Variants in CCDC7 observed in about 807,000 individuals in gnomAD.
CCDC7 encodes the protein coiled-coil domain containing 7.
Under a neutral mutation model 196.9 loss-of-function variants are expected in CCDC7, and 183 were observed. That is an observed-to-expected ratio of 0.93 (90% confidence interval 0.82 to 1.05). The LOEUF (loss-of-function observed/expected upper bound fraction) is 1.05. Ranked by LOEUF, CCDC7 falls within the 50% of genes least tolerant of loss-of-function variation. The pLI, the probability that CCDC7 is intolerant of heterozygous loss-of-function variation, is 0.00. For synonymous variants in CCDC7, 525 were observed against 484.6 expected (o/e 1.08, Z -1.10); for missense variants, 1,540 against 1,482.2 (o/e 1.04, Z -0.64).
At chr10:32,719,473 T>A (rs2082084999) in intron 25 of CCDC7, among the ~76,000 whole-genome samples, 1 of 152,096 alleles carries the variant, frequency 6.6e-6, no homozygotes, top group Admixed American at 6.6e-5. Context: ...GGGCAAAGAC[T>A]TCATGACTAA....
At chr10:32,718,581 T>C (rs1043610598) in intron 25 of CCDC7, among the ~76,000 whole-genome samples, 5 of 152,180 alleles carry the variant, frequency 3.3e-5, no homozygotes, top group Admixed American at 2.6e-4. Flanking sequence ...GGAAGTCAAA[T>C]TGTCTCTGTT....
chr10:32,748,822 T>G (rs2075233458), intron 28 of CCDC7, among the ~76,000 whole-genome samples: 1 of 152,206 alleles, frequency 6.6e-6, no homozygotes, highest in African/African-American at 2.4e-5. Flanking sequence ...GTACGTGTCC[T>G]GAGAGCAGAC....
intron 9 of CCDC7, among the ~76,000 whole-genome samples, chr10:32,506,852 G>A (rs569344028): frequency 7.9e-5 from 12 of 152,038 alleles, no homozygotes; most frequent in African/African-American, 2.7e-4. Flanking sequence ...ACCGTAGAAA[G>A]AAAGGGGAGA....
intron 24 of CCDC7, among the ~76,000 whole-genome samples, chr10:32,699,121 G>A (rs571255789): frequency 1.6e-4 from 24 of 152,042 alleles, no homozygotes; most frequent in Middle Eastern, 6.8e-3. Context: ...TGTTACATAT[G>A]TATACATGTG....
At chr10:32,850,205 A>G (rs547482858) in intron 39 of CCDC7, among the ~76,000 whole-genome samples, 25 of 152,148 alleles carry the variant, frequency 1.6e-4, no homozygotes, top group Non-Finnish European at 3.4e-4. Flanking sequence ...TATCTAGCCT[A>G]TCTTGCACGG....
intron 25 of CCDC7, among the ~76,000 whole-genome samples, chr10:32,717,686 A>G (rs2081822910): frequency 6.6e-6 from 1 of 152,156 alleles, no homozygotes; most frequent in Non-Finnish European, 1.5e-5. Context: ...AAAAAATGAT[A>G]AAGGGGATAT....
intron 25 of CCDC7, among the ~76,000 whole-genome samples, chr10:32,713,468 A>C (rs941583834): frequency 2.0e-5 from 3 of 152,220 alleles, no homozygotes; most frequent in Non-Finnish European, 4.4e-5. Flanking sequence ...GATCTGGGTA[A>C]AAGTAGGAAG....
chr10:32,655,695 C>T (rs552266229), intron 20 of CCDC7, among the ~76,000 whole-genome samples: 2 of 152,094 alleles, frequency 1.3e-5, no homozygotes, highest in African/African-American at 2.4e-5. Context: ...TAGTGCGTGC[C>T]ACCATGTCCA....
intron 29 of CCDC7, among the ~76,000 whole-genome samples, chr10:32,801,206 T>G (rs1272388375): frequency 6.6e-6 from 1 of 152,194 alleles, no homozygotes; most frequent in Non-Finnish European, 1.5e-5. Flanking sequence ...GAAGTATTGG[T>G]CAAGATTATG....
intron 8 of CCDC7, among the ~76,000 whole-genome samples, chr10:32,475,432 C>A (rs374744459): frequency 3.9e-4 from 60 of 152,150 alleles, no homozygotes; most frequent in African/African-American, 1.4e-3. Flanking sequence ...CCCTGATGCT[C>A]CATCATGGAT....
At chr10:32,513,307 A>C (rs1170362004) in intron 9 of CCDC7, 2 of 152,158 alleles carry the variant, frequency 1.3e-5, no homozygotes, top group Non-Finnish European at 2.9e-5. Flanking sequence ...GAAGAACAAG[A>C]ACATGTGACT....
intron 20 of CCDC7, among the ~76,000 whole-genome samples, chr10:32,650,170 A>G (rs577151965): frequency 1.3e-5 from 2 of 152,330 alleles, no homozygotes; most frequent in East Asian, 3.9e-4. Context: ...TAAATTGAGC[A>G]TAGTCCATTG....
chr10:32,764,111 C>T (rs1388249438), intron 28 of CCDC7, among the ~76,000 whole-genome samples: 1 of 151,790 alleles, frequency 6.6e-6, no homozygotes, highest in Non-Finnish European at 1.5e-5. Context: ...TCATTCCTGT[C>T]AGAAGAAATT....
chr10:32,517,715 TACATATGTAACAA>T (rs1180923242), intron 9 of CCDC7, among the ~76,000 whole-genome samples: 2 of 151,528 alleles, frequency 1.3e-5, no homozygotes, highest in East Asian at 3.9e-4. Context: ...ACATGTTTGT[TACATATGTAACAA>T]ACCTGCACGT....
At chr10:32,761,489 C>T (rs1404864286) in intron 28 of CCDC7, among the ~76,000 whole-genome samples, 1 of 151,928 alleles carries the variant, frequency 6.6e-6, no homozygotes, top group Non-Finnish European at 1.5e-5. Context: ...ATGAGATTAG[C>T]TGGTTACTCT....
chr10:32,835,750 G>A (rs1445584880), intron 33 of CCDC7, among the ~76,000 whole-genome samples: 1 of 151,846 alleles, frequency 6.6e-6, no homozygotes, highest in Non-Finnish European at 1.5e-5. Context: ...TTAATACTTG[G>A]GTGATGAAAT....
chr10:32,511,271 G>GTGGGC, intron 9 of CCDC7: 1 of 671,664 alleles, frequency 1.5e-6, no homozygotes, highest in East Asian at 3.4e-5. Flanking sequence ...CGGGGGGGGC[G>GTGGGC]GGGAAATGTA....
At chr10:32,467,752 A>G (rs2037139319) in intron 5 of CCDC7, among the ~76,000 whole-genome samples, 1 of 152,088 alleles carries the variant, frequency 6.6e-6, no homozygotes, top group Admixed American at 6.6e-5. Flanking sequence ...ATCTTGAGTT[A>G]ATTTTTGTAC....
chr10:32,588,296 T>C (rs888024507), intron 18 of CCDC7, among the ~76,000 whole-genome samples: 6 of 152,264 alleles, frequency 3.9e-5, no homozygotes, highest in Non-Finnish European at 7.3e-5. Flanking sequence ...TTTTTATAAA[T>C]GTACTTTATC....
Sources: allele counts gnomAD v4.1 joint callset (sites outside exome capture counted in the v4.1 genomes callset), GRCh38; gene constraint gnomAD v4.1.1; transcripts MANE v1.5; gene names NCBI Gene and HGNC (gene_info 2026-07-23, HGNC 2026-07-21).